The following OSBPL10 variants were observed in gnomAD, a reference collection of about 807,000 sequenced individuals.
OSBPL10 encodes oxysterol-binding protein-related protein 10.
OSBPL10 carries 49 observed loss-of-function variants against 81.7 expected under a neutral mutation model. The observed-to-expected ratio is 0.60, with a 90% CI of 0.48 to 0.76. The LOEUF is 0.76. OSBPL10 is among the 30% of genes least tolerant of loss of function. OSBPL10 has a pLI of 0.00. For synonymous variants in OSBPL10, 419 were observed against 383.6 expected (o/e 1.09, Z -1.08); for missense variants, 923 against 987.8 (o/e 0.93, Z 0.88).
chr3:31,921,945 C>T (rs938277121), intron 1 of OSBPL10, among the ~76,000 whole-genome samples: 47 of 152,140 alleles, frequency 3.1e-4, no homozygotes, highest in Non-Finnish European at 5.3e-4. Context: ...AAACACATAA[C>T]CCTCATCTCA....
At chr3:31,772,027 C>T (rs1340861071) in intron 4 of OSBPL10, among the ~76,000 whole-genome samples, 5 of 152,108 alleles carry the variant, frequency 3.3e-5, no homozygotes, top group Non-Finnish European at 7.4e-5. Flanking sequence ...GAATCATTTG[C>T]CTAGCAGATT....
chr3:31,809,869 C>CTTTTTTTTTTTTTTTTTTTTTTTTTTTTT (rs34795137), intron 4 of OSBPL10, among the ~76,000 whole-genome samples: 3 of 98,618 alleles, frequency 3.0e-5, no homozygotes, highest in African/African-American at 1.6e-4. Flanking sequence ...CCCCCTGACT[C>CTTTTTTTTTTTTTTTTTTTTTTTTTTTTT]TTTTTTTTTT....
At chr3:32,071,317 G>A (rs974538232) in intron 1 of OSBPL10, among the ~76,000 whole-genome samples, 2 of 152,098 alleles carry the variant, frequency 1.3e-5, no homozygotes, top group Non-Finnish European at 2.9e-5. Context: ...ACCTGGTTTT[G>A]CATCCTAACA....
chr3:31,671,029 A>T (rs775873771), intron 8 of OSBPL10, 46 bp from the exon 9 acceptor site: 1 of 1,512,684 alleles, frequency 6.6e-7, no homozygotes, highest in Non-Finnish European at 8.9e-7. Flanking sequence ...ACATGTGAAG[A>T]GGGCACTGGG....
At chr3:31,882,398 G>A (rs538949608) in intron 1 of OSBPL10, among the ~76,000 whole-genome samples, 4 of 152,238 alleles carry the variant, frequency 2.6e-5, no homozygotes, top group East Asian at 1.9e-4. Flanking sequence ...TCCCCAAGCC[G>A]GCAGTAACAA....
At chr3:31,666,019 G>A (rs1700181838) in intron 10 of OSBPL10, among the ~76,000 whole-genome samples, 1 of 152,138 alleles carries the variant, frequency 6.6e-6, no homozygotes. Context: ...GGAGAATGGA[G>A]TGGAGGAGGC....
At chr3:31,869,253 A>G (rs1424862664) in intron 3 of OSBPL10, among the ~76,000 whole-genome samples, 1 of 152,244 alleles carries the variant, frequency 6.6e-6, no homozygotes, top group Non-Finnish European at 1.5e-5. Flanking sequence ...GGTATGCTCA[A>G]TACATCATTG....
At chr3:32,075,506 A>G (rs1575097352) in intron 1 of OSBPL10, among the ~76,000 whole-genome samples, 2 of 151,988 alleles carry the variant, frequency 1.3e-5, no homozygotes, top group East Asian at 3.9e-4. Flanking sequence ...TAGTTTCTCA[A>G]TTCATACAAA....
chr3:31,840,455 C>T (rs765056709), intron 3 of OSBPL10, among the ~76,000 whole-genome samples: 3 of 152,192 alleles, frequency 2.0e-5, no homozygotes, highest in African/African-American at 4.8e-5. Flanking sequence ...AATTAAATCA[C>T]GACATCATCA....
chr3:31,888,220 G>A lies in OSBPL10; in HGVS notation c.282-8390C>T, dbSNP rs188096175. ...GACAAAGGCACCAAAAACATACATC[G>A]AGGAAAGCTCAGTCTCTTCAGTAAA... On this transcript the variant is annotated intron_variant, in intron 1 of 11. Coordinates refer to ENST00000396556, the MANE Select transcript of OSBPL10 (RefSeq NM_017784.5). Among the ~76,000 whole-genome samples, 422 of 152,220 alleles carry A rather than the reference G, an allele frequency of 2.8e-3. 1 individual carries two copies. Among genetic ancestry groups the A allele is most frequent in the Non-Finnish European group, 4.8e-3 (326 of 68,014 alleles).
intron 6 of OSBPL10, among the ~76,000 whole-genome samples, chr3:31,713,204 C>A (rs1181302572): frequency 6.6e-6 from 1 of 152,060 alleles, no homozygotes; most frequent in Non-Finnish European, 1.5e-5. Context: ...ACGATGTTGC[C>A]CCCACGACTT....
At chr3:32,018,502 T>TA (rs1699334583) in intron 2 of OSBPL10, among the ~76,000 whole-genome samples, 1 of 152,104 alleles carries the variant, frequency 6.6e-6, no homozygotes, top group Non-Finnish European at 1.5e-5. Context: ...AACCAGAGCA[T>TA]AAAAGGGAAA....
chr3:32,073,190 A>C (rs573693862), intron 1 of OSBPL10, among the ~76,000 whole-genome samples: 4 of 152,242 alleles, frequency 2.6e-5, no homozygotes, highest in African/African-American at 9.6e-5. Context: ...TACTCGGCCC[A>C]AACCTCATCC....
chr3:31,757,175 T>C (rs1166677346), intron 4 of OSBPL10, among the ~76,000 whole-genome samples: 3 of 152,218 alleles, frequency 2.0e-5, no homozygotes, highest in South Asian at 4.1e-4. Context: ...CAAATTCATA[T>C]GCTGAAGTCC....
intron 4 of OSBPL10, chr3:31,822,009 C>T (rs1699991572): frequency 6.6e-6 from 1 of 152,216 alleles, no homozygotes; most frequent in Non-Finnish European, 1.5e-5. Context: ...AAGATGGGAA[C>T]TTCATTAAAG....
At chr3:31,966,121 C>T (rs1003212389) in intron 1 of OSBPL10, among the ~76,000 whole-genome samples, 1 of 146,238 alleles carries the variant, frequency 6.8e-6, no homozygotes, top group Non-Finnish European at 1.5e-5. Flanking sequence ...ATAGCAAGAC[C>T]CCATCTCTAC....
chr3:31,871,472 C>T (rs562509122), intron 3 of OSBPL10, among the ~76,000 whole-genome samples: 7 of 152,326 alleles, frequency 4.6e-5, no homozygotes, highest in East Asian at 1.9e-4. Context: ...CAAGGGTCCA[C>T]GGCTTCATTC....
rs74377137 is a variant in OSBPL10 at position 31,830,100 on chromosome 3, C to T, written c.669G>A (p.Ser223=). ...PGVVTITHHK[S]PAAARRAKSQ... is the part of the protein sequence containing the mutation. ...TCTTGGCTCTTCGGGCGGCTGCAGGCGACTTGTGATGCGTGATTGTGACAA... is the reference window on the plus strand; with the variant it reads ...TCTTGGCTCTTCGGGCGGCTGCAGGTGACTTGTGATGCGTGATTGTGACAA... The change falls in exon 4 of 12, where the codon TCG becomes TCA. Residue 223 remains serine (S), a synonymous_variant. Transcript: ENST00000396556. 2,595 of 1,614,018 alleles carry T rather than the reference C, an allele frequency of 1.6e-3. 1 individual carries two copies. The highest frequency in any genetic ancestry group is 2.0e-3 in the Non-Finnish European group (2,384 of 1,180,004).
At chr3:31,668,180 G>A (rs1361195953) in intron 10 of OSBPL10, among the ~76,000 whole-genome samples, 1 of 152,204 alleles carries the variant, frequency 6.6e-6, no homozygotes, top group East Asian at 1.9e-4. Flanking sequence ...ACTGATCCAT[G>A]CAGCTAAACT....
Sources: gnomAD v4.1 joint callset for allele counts (sites outside exome capture counted in the v4.1 genomes callset) on GRCh38, gnomAD v4.1.1 for gene constraint, MANE v1.5 for transcripts, NCBI Gene and HGNC (gene_info 2026-07-23, HGNC 2026-07-21) for gene names.